Variants in PCDHGA1 observed in about 807,000 individuals in gnomAD.
The protein encoded by PCDHGA1 is protocadherin gamma subfamily A, 1, also known as protocadherin gamma-A1.
Under a neutral mutation model 58.0 loss-of-function variants are expected in PCDHGA1, and 32 were observed. The ratio of observed to expected loss-of-function variants is 0.55; its 90% CI spans 0.42 to 0.74. PCDHGA1 has a LOEUF of 0.74. PCDHGA1 is among the 30% of genes least tolerant of loss of function. The pLI, the probability that PCDHGA1 is intolerant of heterozygous loss-of-function variation, is 0.00. For synonymous variants in PCDHGA1, 498 were observed against 501.1 expected (o/e 0.99, Z 0.08); for missense variants, 1,205 against 1,182.3 (o/e 1.02, Z -0.28).
intron 1 of PCDHGA1, among the ~76,000 whole-genome samples, chr5:141,461,764 C>T (rs1005862192): frequency 6.6e-6 from 1 of 152,118 alleles, no homozygotes; most frequent in East Asian, 1.9e-4. Context: ...AGCGATTCTC[C>T]TGCCTCAGCC....
chr5:141,399,355 C>A (rs1437917208), intron 1 of PCDHGA1: 1 of 1,614,006 alleles, frequency 6.2e-7, no homozygotes, highest in South Asian at 1.1e-5. Flanking sequence ...AGACCGAGAG[C>A]AAACCCCGGA....
At chr5:141,466,348 G>A (rs2099120992) in intron 1 of PCDHGA1, among the ~76,000 whole-genome samples, 2 of 151,876 alleles carry the variant, frequency 1.3e-5, no homozygotes, top group Admixed American at 6.6e-5. Context: ...TTTTTTTGCA[G>A]CTAATCTAGA....
At chr5:141,408,428 A>C (rs1397543407) in intron 1 of PCDHGA1, 1 of 1,614,076 alleles carries the variant, frequency 6.2e-7, no homozygotes, top group South Asian at 1.1e-5. Flanking sequence ...GCTGCACTTC[A>C]GCGTAGACGC....
Position 141,414,630 on chromosome 5 carries a change from C to A in PCDHGA1, c.2422-80177C>A. On this transcript the variant is annotated intron_variant, in intron 1 of 3. Coordinates refer to ENST00000517417, the MANE Select transcript of PCDHGA1 (RefSeq NM_018912.3). ...CAGTGACAGCGCTGGACCCGGACAG[C>A]AAAGAGAATGCCCAGATTATTTACT... 2 of 1,613,980 alleles carry A rather than the reference C, an allele frequency of 1.2e-6. No individual in the cohort carries two copies. Among genetic ancestry groups the A allele is most frequent in the Non-Finnish European group, 1.7e-6 (2 of 1,179,892 alleles).
chr5:141,352,405 C>T, intron 1 of PCDHGA1: 1 of 1,614,060 alleles, frequency 6.2e-7, no homozygotes, highest in Non-Finnish European at 8.5e-7. Context: ...GACGTTCCTC[C>T]AGCCTCGACA....
chr5:141,353,348 A>G (rs1249385439), intron 1 of PCDHGA1, among the ~76,000 whole-genome samples: 2 of 152,194 alleles, frequency 1.3e-5, no homozygotes, highest in Non-Finnish European at 2.9e-5. Context: ...CATCAATTAC[A>G]TTAATTATGT....
At chr5:141,429,577 T>C (rs2097225544) in intron 1 of PCDHGA1, among the ~76,000 whole-genome samples, 2 of 152,230 alleles carry the variant, frequency 1.3e-5, no homozygotes, top group South Asian at 4.1e-4. Context: ...TTACATTTAC[T>C]TTTGATTCTT....
intron 1 of PCDHGA1, chr5:141,345,009 GGTCTT>G (rs765126062): frequency 1.2e-6 from 2 of 1,613,978 alleles, no homozygotes; most frequent in Non-Finnish European, 8.5e-7. Flanking sequence ...GGATGGACCA[GGTCTT>G]CTTTCAAGAG....
chr5:141,387,317 A>C (rs149989100), intron 1 of PCDHGA1, among the ~76,000 whole-genome samples: 9 of 152,348 alleles, frequency 5.9e-5, no homozygotes, highest in African/African-American at 1.4e-4. Flanking sequence ...CTAATGAGTA[A>C]GTATGGAAAA....
intron 1 of PCDHGA1, chr5:141,426,414 G>A (rs2096934345): frequency 3.5e-6 from 1 of 287,986 alleles, no homozygotes; most frequent in Admixed American, 4.4e-5. Context: ...AAACGGTCCA[G>A]GGCTCCGTGG....
At chr5:141,351,660 T>C (rs1758779964) in intron 1 of PCDHGA1, 1 of 1,613,886 alleles carries the variant, frequency 6.2e-7, no homozygotes, top group African/African-American at 1.3e-5. Context: ...GGCGCCTCCA[T>C]TGCACAAGTA....
In PCDHGA1 at chr5:141,489,523, C is replaced by CT. The variant is rs1379784656; in HGVS notation, c.2422-5283dup. On this transcript the variant is annotated intron_variant, in intron 1 of 3. Coordinates refer to ENST00000517417, the MANE Select transcript of PCDHGA1 (RefSeq NM_018912.3). The surrounding 1 kb of genome is among the most constrained non-coding windows in gnomAD (Gnocchi z 4.5). ...GAATCAAAAGATTGACCGAGAAAGC[C>CT]TATGTGGAGCCAGCACCAGCTGCCT... 1 of 1,614,006 alleles carries CT rather than the reference C, an allele frequency of 6.2e-7. No homozygotes were observed. Among genetic ancestry groups the CT allele is most frequent in the Non-Finnish European group, 8.5e-7 (1 of 1,180,044 alleles).
At position 141,357,442 on chromosome 5, in the gene PCDHGA1, G is replaced by T. The variant is rs1247246465; in HGVS notation, c.2421+24337G>T. Reference sequence around the variant, plus strand: ...CTTTGTGGGCGTGGACGGGGTTCGGGCTTTCCTGCAGACCTATTCCCACGA... The same window carrying T: ...CTTTGTGGGCGTGGACGGGGTTCGGTCTTTCCTGCAGACCTATTCCCACGA... On this transcript the variant is annotated intron_variant, in intron 1 of 3. Coordinates refer to ENST00000517417, the MANE Select transcript of PCDHGA1 (RefSeq NM_018912.3). 6 of 1,614,092 alleles carry T rather than the reference G, an allele frequency of 3.7e-6. No individual in the cohort carries two copies. In the East Asian group the frequency reaches 1.3e-4, roughly 36 times the overall value.
Position 141,476,369 on chromosome 5 carries a change from G to A in PCDHGA1, c.2422-18438G>A, listed in dbSNP as rs1178923246. 1.9e-6 allele frequency: 3 copies of A among 1,614,098 alleles called. No homozygotes were observed. The African/African-American group carries it at 4.0e-5, about 22-fold the overall frequency. ...CTTTGAGGTGAACCGGGAGACCGGA[G>A]AGATGTTTGTGAACGACCGTCTGGA... On this transcript the variant is annotated intron_variant, in intron 1 of 3. Transcript: ENST00000517417. This position sits in a 1 kb window ranked among gnomAD's most constrained non-coding sequence, Gnocchi z 7.6.
chr5:141,422,734 T>A, intron 1 of PCDHGA1: 2 of 1,608,114 alleles, frequency 1.2e-6, no homozygotes, highest in Non-Finnish European at 1.7e-6. Context: ...GGTGCCTCTG[T>A]CCTCCTATGT....
intron 1 of PCDHGA1, chr5:141,409,769 G>C (rs1413636372): frequency 1.2e-6 from 2 of 1,612,776 alleles, no homozygotes; most frequent in Non-Finnish European, 1.7e-6. Context: ...CTTTGATCAC[G>C]AGCAGCTGCG....
In PCDHGA1 at chr5:141,331,920, A is replaced by G. The variant is rs1756381710; in HGVS notation, c.1236A>G (p.Arg412=). 1 of 1,614,090 alleles carries G rather than the reference A, an allele frequency of 6.2e-7. No individual in the cohort carries two copies. The highest frequency in any genetic ancestry group is 2.2e-5 in the East Asian group (1 of 44,900). Reference sequence around the variant, plus strand: ...TAGTGACTGAAAGAACACTGGACAGAGAACTTATCTCTGGGTACAACATCA... The same window carrying G: ...TAGTGACTGAAAGAACACTGGACAGGGAACTTATCTCTGGGTACAACATCA... ...YRLVTERTLD[R]ELISGYNITI... is the part of the protein sequence containing the mutation. Residue 412 remains arginine, a synonymous_variant, in exon 1 of 4, where the codon AGA becomes AGG. Coordinates refer to ENST00000517417, the MANE Select transcript of PCDHGA1 (RefSeq NM_018912.3).
intron 1 of PCDHGA1, chr5:141,344,998 A>G (rs763820741): frequency 1.9e-6 from 3 of 1,613,994 alleles, no homozygotes; most frequent in East Asian, 2.2e-5. Flanking sequence ...ATTGAAGCAC[A>G]GGATGGACCA....
At chr5:141,357,088 C>G (rs530114356) in intron 1 of PCDHGA1, 3 of 1,613,900 alleles carry the variant, frequency 1.9e-6, no homozygotes, top group Middle Eastern at 3.3e-4. Context: ...GCGCACCGCA[C>G]GGGCCCTGCT....
Sources: allele counts gnomAD v4.1 joint callset (sites outside exome capture counted in the v4.1 genomes callset), GRCh38; gene constraint gnomAD v4.1.1; non-coding constraint Gnocchi (gnomAD v3.1); transcripts MANE v1.5; gene names NCBI Gene and HGNC (gene_info 2026-07-23, HGNC 2026-07-21).